STXBP5: variants seen among roughly 807,000 people sequenced by gnomAD.
STXBP5 encodes the protein syntaxin-binding protein 5.
Under a neutral mutation model 152.4 loss-of-function variants are expected in STXBP5, and 50 were observed. The observed-to-expected ratio is 0.33, with a 90% CI of 0.26 to 0.42. The LOEUF (loss-of-function observed/expected upper bound fraction) is 0.42. Ranked by LOEUF, STXBP5 falls within the 10% of genes least tolerant of loss-of-function variation. STXBP5 has a pLI of 1.00. For missense variants in STXBP5, 1,167 were observed against 1,388.6 expected (o/e 0.84, Z 2.54); for synonymous variants, 492 against 494.7 (o/e 0.99, Z 0.07).
chr6:147,288,625 G>C (rs1781116763), intron 8 of STXBP5, among the ~76,000 whole-genome samples: 1 of 152,206 alleles, frequency 6.6e-6, no homozygotes, highest in African/African-American at 2.4e-5. Flanking sequence ...CCTGTTACTG[G>C]TGGCATATAT....
At chr6:147,262,557 C>A (rs923216988) in intron 6 of STXBP5, among the ~76,000 whole-genome samples, 4 of 151,788 alleles carry the variant, frequency 2.6e-5, no homozygotes, top group African/African-American at 9.7e-5. Flanking sequence ...AAAACAATAC[C>A]TTAAAACATA....
intron 21 of STXBP5, among the ~76,000 whole-genome samples, chr6:147,346,546 C>T (rs1582976544): frequency 1.3e-5 from 2 of 152,100 alleles, no homozygotes; most frequent in Admixed American, 6.5e-5. Context: ...CGAGACCAGC[C>T]TGGCCAACAT....
rs762859137 is a variant in STXBP5, at chr6:147,310,167, G to A, written c.1001G>A (p.Ser334Asn). The change falls in exon 10 of 28, where the codon AGC becomes AAC. Residue 334 changes from serine (S) to asparagine (N), a missense_variant. This residue lies in a region of STXBP5 where 833 missense variants were observed against 986.3 expected (regional missense o/e 0.84). Coordinates refer to ENST00000321680, the MANE Select transcript of STXBP5 (RefSeq NM_001127715.4). ...RPCLTVMHGK[S>N]TAVLEMDYSI... Reference sequence around the variant, plus strand: ...TGCTTAACAGTGATGCATGGGAAAAGCACTGCTGTGCTAGAAATGGACTAT... The same window carrying A: ...TGCTTAACAGTGATGCATGGGAAAAACACTGCTGTGCTAGAAATGGACTAT... 6.2e-7 allele frequency: 1 copy of A among 1,605,938 alleles called. No individual in the cohort carries two copies. Among genetic ancestry groups the A allele is most frequent in the Non-Finnish European group, 8.5e-7 (1 of 1,177,616 alleles).
At chr6:147,282,305 A>G (rs561234187) in intron 8 of STXBP5, among the ~76,000 whole-genome samples, 4 of 152,354 alleles carry the variant, frequency 2.6e-5, no homozygotes, top group East Asian at 3.9e-4. Flanking sequence ...TTAAGATTCA[A>G]CAGGTTATTT....
chr6:147,300,006 C>G (rs1781725667), intron 9 of STXBP5, among the ~76,000 whole-genome samples: 1 of 152,066 alleles, frequency 6.6e-6, no homozygotes, highest in Non-Finnish European at 1.5e-5. Flanking sequence ...AGTAACATTT[C>G]TATATGCTAA....
chr6:147,326,298 A>G (rs73586335), intron 17 of STXBP5, among the ~76,000 whole-genome samples: 3,684 of 152,326 alleles, frequency 0.024, 110 homozygotes, highest in African/African-American at 0.081. Flanking sequence ...GGAATCTATT[A>G]CAGACCTCAC....
At chr6:147,325,163 G>T in intron 17 of STXBP5, 79 bp downstream of exon 17, 1 of 1,285,160 alleles carries the variant, frequency 7.8e-7, no homozygotes, top group Non-Finnish European at 1.0e-6. Flanking sequence ...TAGAAAGGAT[G>T]GTCTTTGTTA....
chr6:147,355,836 C>G (rs1333064215), intron 22 of STXBP5, among the ~76,000 whole-genome samples: 1 of 152,094 alleles, frequency 6.6e-6, no homozygotes, highest in Non-Finnish European at 1.5e-5. Context: ...ACTAGAGCTA[C>G]TAAAATTAAA....
chr6:147,354,453 GT>G (rs1423232501), intron 22 of STXBP5, among the ~76,000 whole-genome samples: 1 of 151,008 alleles, frequency 6.6e-6, no homozygotes, highest in East Asian at 1.9e-4. Context: ...GAAGGTCATA[GT>G]TTTCTCCACC....
At chr6:147,298,191 G>T (rs1173653117) in intron 9 of STXBP5, among the ~76,000 whole-genome samples, 2 of 151,976 alleles carry the variant, frequency 1.3e-5, no homozygotes, top group Middle Eastern at 3.2e-3. Context: ...AAATGAGCAG[G>T]TTTATAAAAT....
intron 9 of STXBP5, 135 bp from the exon 10 acceptor site, chr6:147,309,949 A>C: frequency 1.8e-6 from 1 of 568,506 alleles, no homozygotes; most frequent in Non-Finnish European, 2.7e-6. Context: ...ATTCCATGAG[A>C]CAATTCAATT....
At chr6:147,243,591 TATTA>T (rs910776866) in intron 4 of STXBP5, among the ~76,000 whole-genome samples, 3 of 152,170 alleles carry the variant, frequency 2.0e-5, no homozygotes, top group Admixed American at 6.6e-5. Flanking sequence ...AAGTTTAGCT[TATTA>T]ATTTTTCTTT....
chr6:147,291,048 G>A, intron 8 of STXBP5, 46 bp from the exon 9 acceptor site: 1 of 1,404,934 alleles, frequency 7.1e-7, no homozygotes, highest in East Asian at 2.3e-5. Context: ...TAAGAATGTA[G>A]AGTAACTTAG....
chr6:147,214,860 A>G (rs182922723), intron 2 of STXBP5, among the ~76,000 whole-genome samples: 209 of 151,086 alleles, frequency 1.4e-3, no homozygotes, highest in African/African-American at 4.9e-3. Flanking sequence ...GAGTCCGGAA[A>G]TTAAGACAGT....
chr6:147,278,311 G>C, intron 8 of STXBP5, 107 bp downstream of exon 8: 1 of 1,090,658 alleles, frequency 9.2e-7, no homozygotes, highest in Non-Finnish European at 1.2e-6. Context: ...ATAAGGATGG[G>C]TTTCCTTCTG....
chr6:147,226,631 A>G (rs1464593503), intron 2 of STXBP5, among the ~76,000 whole-genome samples: 2 of 152,256 alleles, frequency 1.3e-5, no homozygotes, highest in East Asian at 3.8e-4. Context: ...AGAATAGCAT[A>G]AGACATGCTA....
intron 22 of STXBP5, among the ~76,000 whole-genome samples, chr6:147,357,365 T>C (rs1233330350): frequency 1.3e-5 from 2 of 151,974 alleles, no homozygotes; most frequent in African/African-American, 4.8e-5. Context: ...TGGAGAAAAT[T>C]GTGTGGCTCT....
At chr6:147,287,241 C>T (rs1425002145) in intron 8 of STXBP5, among the ~76,000 whole-genome samples, 7 of 109,018 alleles carry the variant, frequency 6.4e-5, no homozygotes, top group South Asian at 3.2e-4. Flanking sequence ...CTCGCTCTGT[C>T]GCCCAGGCTG....
chr6:147,240,369 A>G (rs572288242), intron 4 of STXBP5, among the ~76,000 whole-genome samples: 1 of 152,288 alleles, frequency 6.6e-6, no homozygotes, highest in South Asian at 2.1e-4. Context: ...TATATTGTTT[A>G]TCTTGTATAC....
Sources: allele counts gnomAD v4.1 joint callset (sites outside exome capture counted in the v4.1 genomes callset), GRCh38; gene constraint gnomAD v4.1.1; regional missense constraint gnomAD v4.1.1; transcripts MANE v1.5; gene names NCBI Gene and HGNC (gene_info 2026-07-23, HGNC 2026-07-21).